PI4KA: variants seen among roughly 807,000 people sequenced by gnomAD.
The protein encoded by PI4KA is PI4-kinase alpha.
A neutral mutation model predicts 271.4 loss-of-function variants in PI4KA; 122 were observed. That is an observed-to-expected ratio of 0.45 (90% CI 0.39 to 0.52). The LOEUF is 0.52. Ranked by LOEUF, PI4KA falls within the 20% of genes least tolerant of loss-of-function variation. The probability of loss-of-function intolerance (pLI) is 0.00; values close to 1 mark genes in which losing one functional copy is unlikely to be tolerated. For synonymous variants in PI4KA, 1,041 were observed against 1,078.8 expected (o/e 0.96, Z 0.69); for missense variants, 1,969 against 2,769.1 (o/e 0.71, Z 6.48).
chr22:20,732,225 A>T (rs911280470), intron 36 of PI4KA, among the ~76,000 whole-genome samples: 30 of 152,178 alleles, frequency 2.0e-4, no homozygotes, highest in African/African-American at 6.0e-4. Context: ...AAATAAAATT[A>T]AAAAATTAGC....
chr22:20,798,901 C>G lies in PI4KA; in HGVS notation c.2004+192G>C, dbSNP rs536170682. The stretch of plus-strand genomic sequence containing the variant: ...CAAATCTTCTGTTATAATACACTGA[C>G]AAGAAATTAAACCTCTTTTTCCCCA... On this transcript the variant is annotated intron_variant, in intron 16 of 54. Transcript: ENST00000255882. 46 of 625,860 alleles carry G rather than the reference C, an allele frequency of 7.3e-5. 1 individual carries two copies. In the South Asian group the frequency reaches 9.1e-4, roughly 12 times the overall value. 38.8% of individuals were successfully genotyped at this position (625,860 alleles called of 1,614,324 possible).
intron 19 of PI4KA, among the ~76,000 whole-genome samples, chr22:20,770,481 CCAG>C (rs1932817578): frequency 6.8e-6 from 1 of 147,482 alleles, no homozygotes; most frequent in African/African-American, 2.5e-5. Flanking sequence ...CCACTGCACT[CCAG>C]CCTGGGCAAC....
intron 43 of PI4KA, among the ~76,000 whole-genome samples, chr22:20,720,211 G>A (rs1392849714): frequency 2.0e-5 from 3 of 152,078 alleles, no homozygotes; most frequent in East Asian, 1.9e-4. Context: ...CAGGTGCGAC[G>A]TAGACAGACT....
At chr22:20,813,308 A>G (rs1219079612) in intron 8 of PI4KA, 50 bp downstream of exon 8, 1 of 1,398,932 alleles carries the variant, frequency 7.1e-7, no homozygotes, top group East Asian at 2.4e-5. Context: ...CACCACTAGC[A>G]ATTTTACTGA....
intron 3 of PI4KA, among the ~76,000 whole-genome samples, chr22:20,832,406 C>T (rs964007979): frequency 1.3e-5 from 2 of 151,356 alleles, no homozygotes; most frequent in African/African-American, 2.4e-5. Flanking sequence ...TGAGCCACTG[C>T]GCCCAGCCGA....
intron 25 of PI4KA, among the ~76,000 whole-genome samples, chr22:20,752,081 C>T (rs919038407): frequency 3.9e-5 from 6 of 152,206 alleles, no homozygotes; most frequent in Non-Finnish European, 8.8e-5. Flanking sequence ...CCAGGGTTCT[C>T]CATTATTTCT....
chr22:20,846,094 C>T (rs754046429), intron 1 of PI4KA, among the ~76,000 whole-genome samples: 9 of 151,174 alleles, frequency 6.0e-5, no homozygotes, highest in African/African-American at 1.2e-4. Context: ...CCTGCCTCTA[C>T]TAAAAAAAAA....
chr22:20,746,286 TCCA>T (rs1255125751), intron 29 of PI4KA, among the ~76,000 whole-genome samples: 1 of 151,930 alleles, frequency 6.6e-6, no homozygotes, highest in Non-Finnish European at 1.5e-5. Flanking sequence ...ATGGTCTCGA[TCCA>T]CTGACCTCGT....
intron 1 of PI4KA, among the ~76,000 whole-genome samples, chr22:20,855,690 T>C (rs191246126): frequency 6.6e-5 from 10 of 152,328 alleles, no homozygotes; most frequent in Admixed American, 4.6e-4. Context: ...AAATATTCAA[T>C]ACATGTGTGC....
At position 20,752,911 on chromosome 22, in the gene PI4KA, C is replaced by G. The variant is rs777068394; in HGVS notation, c.2979G>C (p.Leu993=). ...CAGGAAAATGAGCTTACTTATCCACCAGACCAGATAGATACTTGTCTGCCA... is the reference window on the plus strand; with the variant it reads ...CAGGAAAATGAGCTTACTTATCCACGAGACCAGATAGATACTTGTCTGCCA... ...RRVADKYLSG[L]VDKFPHLLWS... The change falls in exon 25 of 55, where the codon CTG becomes CTC. Residue 993 remains leucine (L), a synonymous_variant. Coordinates refer to ENST00000255882, the MANE Select transcript of PI4KA (RefSeq NM_058004.4). 44 of 1,613,944 alleles carry G rather than the reference C, an allele frequency of 2.7e-5. No individual in the cohort carries two copies. The highest frequency in any genetic ancestry group is 3.5e-5 in the Non-Finnish European group (41 of 1,179,942).
intron 19 of PI4KA, among the ~76,000 whole-genome samples, chr22:20,770,325 C>A (rs1279263230): frequency 6.6e-6 from 1 of 151,434 alleles, no homozygotes; most frequent in Non-Finnish European, 1.5e-5. Context: ...CCAGCCTGGG[C>A]AACATGGTAA....
intron 43 of PI4KA, among the ~76,000 whole-genome samples, chr22:20,721,063 A>G (rs1390844309): frequency 6.6e-6 from 1 of 152,164 alleles, no homozygotes; most frequent in Non-Finnish European, 1.5e-5. Flanking sequence ...GAAGGGTCTC[A>G]CTCGCACTTG....
chr22:20,790,742 AAC>A (rs778098105), intron 19 of PI4KA, among the ~76,000 whole-genome samples: 1 of 146,370 alleles, frequency 6.8e-6, no homozygotes, highest in African/African-American at 2.5e-5. Flanking sequence ...ACACACACAC[AAC>A]AAAAAAAACC....
intron 23 of PI4KA, among the ~76,000 whole-genome samples, chr22:20,759,492 C>T (rs1931733435): frequency 6.8e-6 from 1 of 146,262 alleles, no homozygotes; most frequent in Non-Finnish European, 1.5e-5. Context: ...CAACCTCCGT[C>T]TCCCAGGTTC....
chr22:20,819,772 G>A lies in PI4KA; in HGVS notation c.658C>T (p.Leu220=). Reference sequence around the variant, plus strand: ...CTTCGAACACCTTCAAGCTCTTCCAGGACACGGAGGGAATGAGGAGGGATT... The same window carrying A: ...CTTCGAACACCTTCAAGCTCTTCCAAGACACGGAGGGAATGAGGAGGGATT... ...PKIPPHSLRV[L]EELEGVRRRS... Residue 220 remains leucine (L), a synonymous_variant, in exon 6 of 55, where the codon CTG becomes TTG. Coordinates refer to ENST00000255882, the MANE Select transcript of PI4KA (RefSeq NM_058004.4). 1.9e-6 allele frequency: 3 copies of A among 1,614,186 alleles called. No individual in the cohort carries two copies. Among genetic ancestry groups the A allele is most frequent in the Non-Finnish European group, 2.5e-6 (3 of 1,180,028 alleles).
chr22:20,742,630 G>A lies in PI4KA; in HGVS notation c.3591C>T (p.Thr1197=), dbSNP rs1227876409. The change falls in exon 31 of 55, where the codon ACC becomes ACT. Residue 1197 remains threonine (T), a synonymous_variant. Transcript: ENST00000255882. The stretch of plus-strand genomic sequence containing the variant: ...TACCTTTACTGCTAATGAGCATTGC[G>A]GTCAGCTTGAACATGGCCTGCGTGT... ...QHYTQAMFKL[T]AMLISSKDCD... is the part of the protein sequence containing the mutation. 15 of 1,614,118 alleles carry A rather than the reference G, an allele frequency of 9.3e-6. No individual in the cohort carries two copies. The highest frequency in any genetic ancestry group is 4.4e-5 in the South Asian group (4 of 91,072).
chr22:20,763,017 T>G (rs6004162), intron 22 of PI4KA, among the ~76,000 whole-genome samples: 31,295 of 51,912 alleles, frequency 0.6, 6,877 homozygotes, highest in African/African-American at 0.65. Context: ...CTTTTTTTTT[T>G]GGGGGGGGGG....
chr22:20,722,476 C>T (rs1009412647), intron 42 of PI4KA, among the ~76,000 whole-genome samples: 6 of 152,064 alleles, frequency 3.9e-5, no homozygotes, highest in African/African-American at 7.2e-5. Flanking sequence ...TATGAGCCAC[C>T]GCACCTGGCC....
chr22:20,835,454 G>A (rs2147765665), intron 2 of PI4KA, among the ~76,000 whole-genome samples: 1 of 152,280 alleles, frequency 6.6e-6, no homozygotes, highest in African/African-American at 2.4e-5. Context: ...AGGCATAGTG[G>A]CTCATAGTGG....
Sources: gnomAD v4.1 joint callset for allele counts (sites outside exome capture counted in the v4.1 genomes callset) on GRCh38, gnomAD v4.1.1 for gene constraint, MANE v1.5 for transcripts, NCBI Gene and HGNC (gene_info 2026-07-23, HGNC 2026-07-21) for gene names.